ADARB2: variants seen among roughly 807,000 people sequenced by gnomAD.
The protein encoded by ADARB2 is inactive double-stranded RNA-specific editase B2.
In ADARB2, 25 loss-of-function variants were observed where a neutral mutation model predicts 62.2. The observed-to-expected ratio is 0.40, with a 90% CI of 0.29 to 0.56. The LOEUF is 0.56. ADARB2 is among the 20% of genes least tolerant of loss of function. The probability of loss-of-function intolerance (pLI) is 0.43; values close to 1 mark genes in which losing one functional copy is unlikely to be tolerated. For synonymous variants in ADARB2, 572 were observed against 500.8 expected (o/e 1.14, Z -1.90); for missense variants, 1,071 against 1,077.4 (o/e 0.99, Z 0.08).
chr10:1,332,484 T>G (rs898619139), intron 3 of ADARB2, among the ~76,000 whole-genome samples: 7 of 148,740 alleles, frequency 4.7e-5, no homozygotes, highest in Admixed American at 6.7e-5. Flanking sequence ...CAGTTTTGTT[T>G]TTTTTTTTTT....
intron 1 of ADARB2, among the ~76,000 whole-genome samples, chr10:1,463,772 C>T (rs1475139207): frequency 6.6e-6 from 1 of 152,120 alleles, no homozygotes; most frequent in Non-Finnish European, 1.5e-5. Flanking sequence ...AAAATATTTG[C>T]AAATCACACA....
intron 1 of ADARB2, among the ~76,000 whole-genome samples, chr10:1,428,112 A>G (rs1830723631): frequency 1.3e-5 from 2 of 151,716 alleles, no homozygotes; most frequent in Non-Finnish European, 1.5e-5. Flanking sequence ...CTAGGATTAC[A>G]GGCATGCACC....
chr10:1,639,505 T>C (rs963760279), intron 1 of ADARB2, among the ~76,000 whole-genome samples: 1 of 152,352 alleles, frequency 6.6e-6, no homozygotes, highest in East Asian at 1.9e-4. Flanking sequence ...AGCTGATCCT[T>C]ACCCTAAGAA....
Position 1,693,421 on chromosome 10 carries a change from T to A in ADARB2, c.100+43630A>T, listed in dbSNP as rs1051540463. ...GCCACCACCTGGAGCGCTGTCATCT[T>A]CTCCTCTCTCGTTTTTGTCATCGTC... On this transcript the variant is annotated intron_variant, in intron 1 of 9. Transcript: ENST00000381312. Among the ~76,000 whole-genome samples, 37 of 152,130 alleles carry A rather than the reference T, an allele frequency of 2.4e-4. 2 individuals carry two copies. Among genetic ancestry groups the A allele is most frequent in the Admixed American group, 1.3e-4 (2 of 15,274 alleles).
At chr10:1,589,896 T>G (rs572098295) in intron 1 of ADARB2, among the ~76,000 whole-genome samples, 1 of 152,322 alleles carries the variant, frequency 6.6e-6, no homozygotes, top group Admixed American at 6.5e-5. Flanking sequence ...GGTCTCAAAC[T>G]CCTGACCTCA....
At chr10:1,267,310 G>A (rs976922301) in intron 4 of ADARB2, among the ~76,000 whole-genome samples, 5 of 152,116 alleles carry the variant, frequency 3.3e-5, no homozygotes, top group South Asian at 2.1e-4. Context: ...CTATTGAGAC[G>A]GATGACAAGC....
intron 6 of ADARB2, among the ~76,000 whole-genome samples, chr10:1,220,598 A>G (rs1830686465): frequency 6.6e-6 from 1 of 152,184 alleles, no homozygotes; most frequent in East Asian, 1.9e-4. Context: ...CATTACCACA[A>G]TATTAGGGAC....
intron 1 of ADARB2, among the ~76,000 whole-genome samples, chr10:1,620,459 A>G (rs994702263): frequency 6.6e-6 from 1 of 152,226 alleles, no homozygotes; most frequent in African/African-American, 2.4e-5. Flanking sequence ...TACAAAAATA[A>G]CAATTAAGAA....
intron 3 of ADARB2, among the ~76,000 whole-genome samples, chr10:1,297,364 C>T (rs1386758044): frequency 6.6e-6 from 1 of 152,200 alleles, no homozygotes; most frequent in African/African-American, 2.4e-5. Context: ...CAGAGCCAAA[C>T]TCAAGTTTTT....
chr10:1,488,802 G>C (rs1309666252), intron 1 of ADARB2, among the ~76,000 whole-genome samples: 2 of 152,166 alleles, frequency 1.3e-5, no homozygotes, highest in Non-Finnish European at 2.9e-5. Flanking sequence ...GTTTCCTCGG[G>C]GGAAAACGCT....
chr10:1,342,929 C>T (rs753467333), intron 3 of ADARB2, among the ~76,000 whole-genome samples: 7 of 152,108 alleles, frequency 4.6e-5, no homozygotes, highest in Non-Finnish European at 7.4e-5. Context: ...GGGGAATGCA[C>T]AAAAGTTGGA....
intron 1 of ADARB2, among the ~76,000 whole-genome samples, chr10:1,669,767 A>C (rs538277376): frequency 0.012 from 1,835 of 148,392 alleles, 20 homozygotes; most frequent in East Asian, 0.043. Flanking sequence ...CATAGAGAAA[A>C]ACACACAGAC....
chr10:1,472,076 T>C (rs1239256265), intron 1 of ADARB2, among the ~76,000 whole-genome samples: 1 of 152,168 alleles, frequency 6.6e-6, no homozygotes, highest in Non-Finnish European at 1.5e-5. Flanking sequence ...AACAAGCACA[T>C]TGAGCCTCTA....
chr10:1,370,298 T>TG (rs1832357304), intron 2 of ADARB2, among the ~76,000 whole-genome samples: 2 of 152,146 alleles, frequency 1.3e-5, no homozygotes, highest in Non-Finnish European at 2.9e-5. Context: ...TGTAGACACA[T>TG]ACCTCAAAAT....
chr10:1,710,697 C>T (rs1203400244), intron 1 of ADARB2, among the ~76,000 whole-genome samples: 3 of 152,214 alleles, frequency 2.0e-5, no homozygotes, highest in Admixed American at 6.5e-5. Context: ...CGAGGAATGC[C>T]GTTGGGCACC....
Position 1,264,258 on chromosome 10 carries a change from T to A in ADARB2, c.1192+6697A>T, listed in dbSNP as rs998753319. Among the ~76,000 whole-genome samples the A allele has an allele frequency of 5.3e-5, 8 of 152,328 alleles. No individual in the cohort carries two copies. The East Asian group carries it at 1.5e-3, about 29-fold the overall frequency. On this transcript the variant is annotated intron_variant, in intron 4 of 9. Transcript: ENST00000381312. ...GTTCATTTGTTTCAGCTTATCTTCC[T>A]CATGCCCGACTGGATGCAAATAAAA...
At chr10:1,566,767 A>G (rs926400571) in intron 1 of ADARB2, among the ~76,000 whole-genome samples, 1 of 152,050 alleles carries the variant, frequency 6.6e-6, no homozygotes, top group African/African-American at 2.4e-5. Flanking sequence ...GTTTATCTAC[A>G]TATAACGATT....
chr10:1,334,773 G>A (rs7084512), intron 3 of ADARB2, among the ~76,000 whole-genome samples: 13,695 of 152,176 alleles, frequency 0.09, 1,016 homozygotes, highest in African/African-American at 0.19. Context: ...ACGTCTTTGT[G>A]AAGCACCTGT....
chr10:1,268,390 T>C (rs1831227764), intron 4 of ADARB2, among the ~76,000 whole-genome samples: 1 of 152,216 alleles, frequency 6.6e-6, no homozygotes, highest in African/African-American at 2.4e-5. Context: ...ATTTCTGTGA[T>C]TATATTTCTC....
Sources: gnomAD v4.1 joint callset for allele counts (sites outside exome capture counted in the v4.1 genomes callset) on GRCh38, gnomAD v4.1.1 for gene constraint, MANE v1.5 for transcripts, NCBI Gene and HGNC (gene_info 2026-07-23, HGNC 2026-07-21) for gene names.